The following ZNF417 variants were observed in gnomAD, a reference collection of about 807,000 sequenced individuals.
The protein encoded by ZNF417 is zinc finger protein 417.
In ZNF417, 5 loss-of-function variants were observed where a neutral mutation model predicts 7.4. That is an observed-to-expected ratio of 0.68 (90% CI 0.35 to 1.43). The LOEUF is 1.43. ZNF417 is among the 40% of genes most tolerant of loss of function. The probability of loss-of-function intolerance (pLI) is 0.04; values close to 1 mark genes in which losing one functional copy is unlikely to be tolerated. For missense variants in ZNF417, 437 were observed against 697.3 expected (o/e 0.63, Z 4.20); for synonymous variants, 147 against 239.1 (o/e 0.61, Z 3.55).
intron 1 of ZNF417, among the ~76,000 whole-genome samples, chr19:57,916,153 C>A (rs529529352): frequency 1.3e-5 from 2 of 152,366 alleles, no homozygotes; most frequent in South Asian, 2.1e-4. Context: ...CGCAATTCTC[C>A]AGTCTTCATA....
chr19:57,908,529 G>T lies in ZNF417; in HGVS notation c.*21C>A, dbSNP rs752496955. 10 of 1,612,506 alleles carry T rather than the reference G, an allele frequency of 6.2e-6. No homozygotes were observed. Among genetic ancestry groups the T allele is most frequent in the Non-Finnish European group, 7.6e-6 (9 of 1,178,682 alleles). ...AATGAGACGGGATGTTTCAGCAAAC[G>T]ATTTCCCATATTCACTGCACTCATA... On this transcript the variant is annotated 3_prime_UTR_variant, in exon 3 of 3. Transcript: ENST00000312026.
rs752496955 is a variant in ZNF417 at position 57,908,529 on chromosome 19, G to C, written c.*21C>G. 9 of 1,612,508 alleles carry C rather than the reference G, an allele frequency of 5.6e-6. No individual in the cohort carries two copies. Among genetic ancestry groups the C allele is most frequent in the Middle Eastern group, 1.6e-4 (1 of 6,082 alleles). On this transcript the variant is annotated 3_prime_UTR_variant, in exon 3 of 3. Transcript: ENST00000312026. ...AATGAGACGGGATGTTTCAGCAAAC[G>C]ATTTCCCATATTCACTGCACTCATA...
In ZNF417 at chr19:57,908,918, G is replaced by T. The variant is rs746744006; in HGVS notation, c.1360C>A (p.His454Asn). ...LFNRKYHLLVHERVHTGERPY... is the reference protein window; with the variant it reads ...LFNRKYHLLVNERVHTGERPY... ...CTTTCTCCAGTGTGAACTCTCTCAT[G>T]AACGAGAAGATGATACTTCCTGTTA... The change falls in exon 3 of 3, where the codon CAT (histidine) becomes AAT (asparagine). Residue 454 changes from histidine (H) to asparagine (N), a missense_variant. By Grantham distance (68) the His-to-Asn change is moderately conservative. Transcript: ENST00000312026. 2.5e-6 allele frequency: 4 copies of T among 1,613,966 alleles called. No homozygotes were observed. The South Asian group carries it at 4.4e-5, about 18-fold the overall frequency.
At chr19:57,911,090 G>A (rs750285987) in intron 2 of ZNF417, among the ~76,000 whole-genome samples, 141 of 152,168 alleles carry the variant, frequency 9.3e-4, no homozygotes, top group Non-Finnish European at 1.8e-3. Context: ...AAGAAAACAT[G>A]AGTACAACAC....
chr19:57,913,955 T>A (rs2071921691), intron 1 of ZNF417, among the ~76,000 whole-genome samples: 1 of 152,202 alleles, frequency 6.6e-6, no homozygotes, highest in Non-Finnish European at 1.5e-5. Flanking sequence ...ATGTCTCCAG[T>A]ATCAACACCC....
rs17845779 is a variant in ZNF417, at chr19:57,908,784, C to A, written c.1494G>T (p.Gly498=). 403,450 of 1,464,296 alleles carry A rather than the reference C, an allele frequency of 0.28. 71,560 individuals carry two copies. The highest frequency in any genetic ancestry group is 0.29 in the Non-Finnish European group (302,498 of 1,050,620). The allele number at this position is 1,464,296 out of a possible 1,614,324, so 90.7% of individuals were successfully genotyped here. A position where few individuals can be genotyped will look rare whatever the true frequency, so the allele number is the denominator to read the frequency against. Residue 498 remains glycine, a synonymous_variant, in exon 3 of 3, where the codon GGG becomes GGT. Coordinates refer to ENST00000312026, the MANE Select transcript of ZNF417 (RefSeq NM_152475.3). The part of the protein sequence containing the change: ...GERPYECNEC[G]KSFLSSSALH... ...GCGCAGAGCTGGAAAGAAATGATTT[C>A]CCACATTCATTGCATTCATACGGCC...
intron 2 of ZNF417, among the ~76,000 whole-genome samples, chr19:57,910,563 T>TAATAAA (rs1173365671): frequency 6.6e-6 from 1 of 151,384 alleles, no homozygotes; most frequent in Non-Finnish European, 1.5e-5. Flanking sequence ...ATAATAATAA[T>TAATAAA]AATAAAAAGA....
At position 57,909,759 on chromosome 19, in the gene ZNF417, G is replaced by A. The variant is rs144748047; in HGVS notation, c.519C>T (p.Arg173=). Residue 173 remains arginine, a synonymous_variant, in exon 3 of 3, where the codon CGC becomes CGT. Transcript: ENST00000312026. ...LRVSQEPFVF[R]EFGKDVLPSS... is the part of the protein sequence containing the mutation. ...TGGGCAGAACGTCCTTCCCAAACTC[G>A]CGGAAGACAAATGGCTCCTGTGACA... 4.3e-4 allele frequency: 640 copies of A among 1,502,952 alleles called. 96 individuals carry two copies. The highest frequency in any genetic ancestry group is 5.5e-4 in the Non-Finnish European group (609 of 1,109,294). 93.1% of individuals were successfully genotyped at this position (1,502,952 alleles called of 1,614,324 possible).
intron 2 of ZNF417, among the ~76,000 whole-genome samples, 177 bp downstream of exon 2, chr19:57,911,883 C>T (rs1217060873): frequency 2.0e-5 from 3 of 152,102 alleles, no homozygotes; most frequent in Non-Finnish European, 4.4e-5. Context: ...GAGCCTGGAG[C>T]AAAGCAGGTG....
intron 1 of ZNF417, among the ~76,000 whole-genome samples, 158 bp downstream of exon 1, chr19:57,916,221 C>A (rs893468727): frequency 6.9e-6 from 1 of 144,260 alleles, no homozygotes; most frequent in Non-Finnish European, 1.5e-5. Flanking sequence ...ACACAGGGAC[C>A]CCCACTGGAC....
chr19:57,908,749 T>A lies in ZNF417; in HGVS notation c.1529A>T (p.His510Leu), dbSNP rs757025478. 16 of 1,613,798 alleles carry A rather than the reference T, an allele frequency of 9.9e-6. No homozygotes were observed. Among genetic ancestry groups the A allele is most frequent in the Non-Finnish European group, 5.9e-6 (7 of 1,179,678 alleles). Residue 510 changes from histidine to leucine, a missense_variant, in exon 3 of 3, where the codon CAT (histidine) becomes CTT (leucine). This residue lies in a region of ZNF417 where 233 missense variants were observed against 235.5 expected (regional missense o/e 0.99). Coordinates refer to ENST00000312026, the MANE Select transcript of ZNF417 (RefSeq NM_152475.3). ...CTTTTGTCCAGAATGAACTCTTTTA[T>A]GAACATGAAGCGCAGAGCTGGAAAG... ...SFLSSSALHV[H>L]KRVHSGQKPY... is the part of the protein sequence containing the mutation.
Position 57,910,098 on chromosome 19 carries a change from T to C in ZNF417, c.180A>G (p.Ser60=). ...GCTTACAAGGTGCCTCCTCATCTTTTGATCCACACCAACAACCTGAGAGCA... is the reference window on the plus strand; with the variant it reads ...GCTTACAAGGTGCCTCCTCATCTTTCGATCCACACCAACAACCTGAGAGCA... The part of the protein sequence containing the change: ...LISSLGCWCG[S]KDEEAPCKQR... Residue 60 remains serine (S), a synonymous_variant, in exon 3 of 3, where the codon TCA becomes TCG. Coordinates refer to ENST00000312026, the MANE Select transcript of ZNF417 (RefSeq NM_152475.3). The C allele has an allele frequency of 1.2e-6, 2 of 1,602,498 alleles. No individual in the cohort carries two copies. Among genetic ancestry groups the C allele is most frequent in the Non-Finnish European group, 1.7e-6 (2 of 1,172,968 alleles).
At chr19:57,910,872 T>A (rs2071893323) in intron 2 of ZNF417, among the ~76,000 whole-genome samples, 1 of 152,012 alleles carries the variant, frequency 6.6e-6, no homozygotes, top group Admixed American at 6.6e-5. Context: ...GGTGAAACCC[T>A]GTGTCTACTA....
In ZNF417 at chr19:57,907,732, AGATTC is replaced by A. The variant is rs143399338; in HGVS notation, c.*813_*817del. 0.054 allele frequency: 8,389 copies of A among 154,972 alleles called. 323 individuals are homozygous for A. The highest frequency in any genetic ancestry group is 0.079 in the Middle Eastern group (151 of 1,910). The allele number at this position is 154,972 out of a possible 1,614,324, so 9.6% of individuals were successfully genotyped here. A position where few individuals can be genotyped will look rare whatever the true frequency, so the allele number is the denominator to read the frequency against. On this transcript the variant is annotated 3_prime_UTR_variant, in exon 3 of 3. Transcript: ENST00000312026. Reference sequence around the variant, plus strand: ...AAATGGGCATGTGGCCCCTGAAAAAAGATTCTGGATTCCATAATCTCACCTTGCTG... The same window carrying A: ...AAATGGGCATGTGGCCCCTGAAAAAATGGATTCCATAATCTCACCTTGCTG...
At chr19:57,912,573 C>T (rs1344421206) in intron 1 of ZNF417, among the ~76,000 whole-genome samples, 6 of 152,126 alleles carry the variant, frequency 3.9e-5, no homozygotes, top group Admixed American at 2.0e-4. Context: ...TCCCTACCAT[C>T]AGCCTCTCTC....
rs745512723 is a variant in ZNF417 at position 57,910,124 on chromosome 19, A to C, written c.164-10T>G. The C allele has an allele frequency of 2.5e-6, 4 of 1,605,822 alleles. No homozygotes were observed. In the African/African-American group the frequency reaches 4.0e-5, roughly 16 times the overall value. ...GATCCACACCAACAACCTGAGAGCA[A>C]GAAAATGCTGGTCAAGTGCAAAGTA... On this transcript the variant is annotated splice_polypyrimidine_tract_variant and intron_variant, in intron 2 of 2. Coordinates refer to ENST00000312026, the MANE Select transcript of ZNF417 (RefSeq NM_152475.3).
intron 1 of ZNF417, among the ~76,000 whole-genome samples, chr19:57,912,742 G>A (rs181597600): frequency 2.3e-4 from 35 of 152,100 alleles, no homozygotes; most frequent in East Asian, 3.9e-4. Context: ...CCAAGTAGCC[G>A]GGATTACAGC....
Position 57,909,248 on chromosome 19 carries a change from G to A in ZNF417, c.1030C>T (p.Gln344Ter). The A allele has an allele frequency of 1.2e-6, 2 of 1,614,030 alleles. No homozygotes were observed. The highest frequency in any genetic ancestry group is 1.7e-6 in the Non-Finnish European group (2 of 1,179,990). ...GQKGNLIQHQQGHTGERAYHC... is the reference protein window; with the variant it reads ...GQKGNLIQHQ The stretch of plus-strand genomic sequence containing the variant: ...TAAGCTCTCTCTCCAGTGTGACCTT[G>A]CTGATGTTGAATGAGGTTACCCTTT... The change falls in exon 3 of 3, where the codon CAA (glutamine) becomes TAA (stop). Residue 344 changes from glutamine to a stop codon, truncating the protein, a stop_gained. Coordinates refer to ENST00000312026, the MANE Select transcript of ZNF417 (RefSeq NM_152475.3). LOFTEE classifies it low-confidence loss of function (END_TRUNC).
chr19:57,910,087 T>C lies in ZNF417; in HGVS notation c.191A>G (p.Glu64Gly), dbSNP rs1396363435. Reference sequence around the variant, plus strand: ...AGAAATTCTCTGCTTACAAGGTGCCTCCTCATCTTTTGATCCACACCAACA... The same window carrying C: ...AGAAATTCTCTGCTTACAAGGTGCCCCCTCATCTTTTGATCCACACCAACA... ...LGCWCGSKDE[E>G]APCKQRISVQ... Residue 64 changes from glutamate (E) to glycine (G), a missense_variant, in exon 3 of 3, where the codon GAG becomes GGG. Around this residue, in one of 5 missense-constraint regions of ZNF417, gnomAD observed 60 missense variants for 266.0 expected, o/e 0.23. Coordinates refer to ENST00000312026, the MANE Select transcript of ZNF417 (RefSeq NM_152475.3). The C allele has an allele frequency of 1.9e-6, 3 of 1,595,562 alleles. No homozygotes were observed. Among genetic ancestry groups the C allele is most frequent in the African/African-American group, 2.7e-5 (2 of 73,812 alleles).
Sources: allele counts gnomAD v4.1 joint callset (sites outside exome capture counted in the v4.1 genomes callset), GRCh38; gene constraint gnomAD v4.1.1; regional missense constraint gnomAD v4.1.1; transcripts MANE v1.5; gene names NCBI Gene and HGNC (gene_info 2026-07-23, HGNC 2026-07-21).